PPM1D: variants seen among roughly 807,000 people sequenced by gnomAD.
The protein encoded by PPM1D is protein phosphatase 1D.
A neutral mutation model predicts 58.3 loss-of-function variants in PPM1D; 52 were observed. The ratio of observed to expected loss-of-function variants is 0.89; its 90% CI spans 0.71 to 1.12. PPM1D has a LOEUF of 1.12. PPM1D is among the 50% of genes most tolerant of loss of function. The pLI is 0.00. For synonymous variants in PPM1D, 278 were observed against 285.1 expected (o/e 0.98, Z 0.25); for missense variants, 564 against 777.2 (o/e 0.73, Z 3.26).
At chr17:60,630,158 C>T (rs1012950479) in intron 2 of PPM1D, among the ~76,000 whole-genome samples, 5 of 151,926 alleles carry the variant, frequency 3.3e-5, no homozygotes, top group East Asian at 1.9e-4. Context: ...TTCAACATAG[C>T]GGGACCTCCA....
chr17:60,625,232 AAAAT>A (rs2143658249), intron 2 of PPM1D, among the ~76,000 whole-genome samples: 1 of 152,338 alleles, frequency 6.6e-6, no homozygotes, highest in African/African-American at 2.4e-5. Context: ...GAACAACAAA[AAAAT>A]GCAAAACAGT....
chr17:60,613,071 C>T (rs2030493810), intron 1 of PPM1D, among the ~76,000 whole-genome samples: 1 of 152,086 alleles, frequency 6.6e-6, no homozygotes, highest in Admixed American at 6.5e-5. Context: ...TCAGGAGAAG[C>T]TATTAGTTTT....
At chr17:60,639,030 C>T (rs1210214544) in intron 3 of PPM1D, among the ~76,000 whole-genome samples, 1 of 152,030 alleles carries the variant, frequency 6.6e-6, no homozygotes, top group East Asian at 1.9e-4. Flanking sequence ...GCTGTATGTA[C>T]AAGCACATGA....
intron 1 of PPM1D, among the ~76,000 whole-genome samples, chr17:60,609,532 A>G (rs184370713): frequency 4.6e-5 from 7 of 152,340 alleles, no homozygotes; most frequent in Non-Finnish European, 1.0e-4. Flanking sequence ...GAAATAAACA[A>G]TTTGTAAGTT....
intron 1 of PPM1D, among the ~76,000 whole-genome samples, chr17:60,619,320 G>A (rs2030650814): frequency 6.6e-6 from 1 of 151,160 alleles, no homozygotes. Context: ...TATCTTGGAT[G>A]TTTTGAATAA....
intron 1 of PPM1D, among the ~76,000 whole-genome samples, chr17:60,608,485 C>T (rs973674374): frequency 6.6e-6 from 1 of 151,936 alleles, no homozygotes. Context: ...ACTAAAAATA[C>T]AAAAAATTAG....
At chr17:60,608,629 G>A (rs542299990) in intron 1 of PPM1D, among the ~76,000 whole-genome samples, 43 of 152,070 alleles carry the variant, frequency 2.8e-4, no homozygotes, top group Non-Finnish European at 5.6e-4. Context: ...AACATTACCA[G>A]TATAGTTAAG....
chr17:60,610,246 A>G (rs766019249), intron 1 of PPM1D, among the ~76,000 whole-genome samples: 8 of 151,876 alleles, frequency 5.3e-5, no homozygotes, highest in Non-Finnish European at 1.2e-4. Context: ...ATTTGGTACT[A>G]TCCAAAGTTT....
chr17:60,608,584 C>G (rs2030381853), intron 1 of PPM1D, among the ~76,000 whole-genome samples: 1 of 152,012 alleles, frequency 6.6e-6, no homozygotes, highest in Non-Finnish European at 1.5e-5. Flanking sequence ...GAGCGAGATT[C>G]TGTCTCAACA....
chr17:60,636,736 T>G (rs982008006), intron 3 of PPM1D, among the ~76,000 whole-genome samples: 2 of 151,626 alleles, frequency 1.3e-5, no homozygotes, highest in African/African-American at 4.9e-5. Context: ...CTCTGTGCCC[T>G]AGGCTAGAGC....
At position 60,656,518 on chromosome 17, in the gene PPM1D, A is replaced by G. The variant is rs1303584378; in HGVS notation, c.1018-81A>G. 9.8e-6 allele frequency: 15 copies of G among 1,527,034 alleles called. No homozygotes were observed. In the East Asian group the frequency reaches 1.1e-4, roughly 12 times the overall value. The allele number at this position is 1,527,034 out of a possible 1,614,324, so 94.6% of individuals were successfully genotyped here. ...TTTGTTTGGGCCACAGCGAACACCA[A>G]ATATTTAATTTGATATAGATACAGA... On this transcript the variant is annotated intron_variant, in intron 4 of 5. Transcript: ENST00000305921.
At chr17:60,601,227 C>T (rs890647461) in intron 1 of PPM1D, among the ~76,000 whole-genome samples, 9 of 152,150 alleles carry the variant, frequency 5.9e-5, no homozygotes, top group Non-Finnish European at 1.3e-4. Flanking sequence ...AAAGATAAAT[C>T]GATGTTGCAC....
chr17:60,639,042 C>T (rs921323298), intron 3 of PPM1D, among the ~76,000 whole-genome samples: 2 of 152,132 alleles, frequency 1.3e-5, no homozygotes, highest in Non-Finnish European at 2.9e-5. Flanking sequence ...AGCACATGAT[C>T]TTTGCCCTCA....
chr17:60,642,398 G>A (rs1177009296), intron 3 of PPM1D, among the ~76,000 whole-genome samples: 4 of 146,692 alleles, frequency 2.7e-5, no homozygotes, highest in Admixed American at 2.7e-4. Context: ...GTTTAATTGG[G>A]CAATGAACGA....
rs1331351994 is a variant in PPM1D, at chr17:60,665,117, AC to A, written c.*1566del. ...CTCCTGAGTAGCTGAGATTACAGGC[AC>A]GCGCCACTGTGCCCAGCCAATTTTT... On this transcript the variant is annotated 3_prime_UTR_variant, in exon 6 of 6. Transcript: ENST00000305921. The A allele has an allele frequency of 6.6e-6, 1 of 151,920 alleles. No homozygotes were observed. Among genetic ancestry groups the A allele is most frequent in the Non-Finnish European group, 1.5e-5 (1 of 68,054 alleles). The allele number at this position is 151,920 out of a possible 1,614,324, so 9.4% of individuals were successfully genotyped here. A position where few individuals can be genotyped will look rare whatever the true frequency, so the allele number is the denominator to read the frequency against.
intron 3 of PPM1D, among the ~76,000 whole-genome samples, chr17:60,645,878 C>T (rs1306021869): frequency 1.3e-5 from 2 of 151,854 alleles, no homozygotes; most frequent in Non-Finnish European, 2.9e-5. Flanking sequence ...TACCGTGGCT[C>T]ATACTTGTAA....
intron 2 of PPM1D, among the ~76,000 whole-genome samples, chr17:60,631,916 C>T (rs1333335603): frequency 2.0e-5 from 3 of 152,140 alleles, no homozygotes; most frequent in African/African-American, 4.8e-5. Flanking sequence ...CGGTGGCTCA[C>T]GCCTGTAATC....
At chr17:60,637,912 A>AGAAAGTGTTTCCAGAG (rs2031057116) in intron 3 of PPM1D, among the ~76,000 whole-genome samples, 1 of 152,232 alleles carries the variant, frequency 6.6e-6, no homozygotes, top group Admixed American at 6.5e-5. Context: ...TGTTTCCAGA[A>AGAAAGTGTTTCCAGAG]AGAAAGTGTT....
In PPM1D at chr17:60,608,752, C is replaced by CT. The variant is rs1446212388; in HGVS notation, c.472+7879dup. ...TTTTTTATAATTTTATTAGGTATATCTTTTTTTTTTTTTGACACAGAGTCT... is the reference window on the plus strand; with the variant it reads ...TTTTTTATAATTTTATTAGGTATATCTTTTTTTTTTTTTTGACACAGAGTCT... On this transcript the variant is annotated intron_variant, in intron 1 of 5. Transcript: ENST00000305921. Among the ~76,000 whole-genome samples, 156 of 145,432 alleles carry CT rather than the reference C, an allele frequency of 1.1e-3. 1 individual carries two copies. The highest frequency in any genetic ancestry group is 3.5e-3 in the Middle Eastern group (1 of 284).
Sources: allele counts gnomAD v4.1 joint callset (sites outside exome capture counted in the v4.1 genomes callset), GRCh38; gene constraint gnomAD v4.1.1; transcripts MANE v1.5; gene names NCBI Gene and HGNC (gene_info 2026-07-23, HGNC 2026-07-21).